GALNT13: variants seen among roughly 807,000 people sequenced by gnomAD.
GALNT13 encodes polypeptide N-acetylgalactosaminyltransferase 13.
Under a neutral mutation model 64.2 loss-of-function variants are expected in GALNT13, and 28 were observed. That is an observed-to-expected ratio of 0.44 (90% confidence interval 0.32 to 0.60). GALNT13 has a LOEUF of 0.60. GALNT13 is among the 20% of genes least tolerant of loss of function. The pLI, the probability that GALNT13 is intolerant of heterozygous loss-of-function variation, is 0.05. For missense variants in GALNT13, 577 were observed against 669.8 expected (o/e 0.86, Z 1.53); for synonymous variants, 214 against 224.6 (o/e 0.95, Z 0.42).
intron 9 of GALNT13, among the ~76,000 whole-genome samples, chr2:154,340,331 A>G (rs924354845): frequency 1.3e-5 from 2 of 152,052 alleles, no homozygotes; most frequent in Admixed American, 1.3e-4. Flanking sequence ...TCAAATGATC[A>G]TCCCACTTCA....
chr2:153,842,034 G>A, the GALNT13 span, among the ~76,000 whole-genome samples: 1 of 152,018 alleles, frequency 6.6e-6, no homozygotes, highest in Non-Finnish European at 1.5e-5. Flanking sequence ...GGGGAGCAGG[G>A]TGGAGGGTTG....
At chr2:153,410,743 A>C in the GALNT13 span, among the ~76,000 whole-genome samples, 19 of 152,268 alleles carry the variant, frequency 1.2e-4, no homozygotes, top group African/African-American at 4.3e-4. Flanking sequence ...AAAAGAGTGG[A>C]GCAGGGAAAT....
chr2:153,346,773 C>G, the GALNT13 span, among the ~76,000 whole-genome samples: 1 of 152,154 alleles, frequency 6.6e-6, no homozygotes, highest in Non-Finnish European at 1.5e-5. Context: ...CAGTCCTCTA[C>G]AGTGTACCAG....
At chr2:153,341,364 G>C in the GALNT13 span, among the ~76,000 whole-genome samples, 4 of 152,076 alleles carry the variant, frequency 2.6e-5, no homozygotes, top group Non-Finnish European at 5.9e-5. Flanking sequence ...ACACTTCAGT[G>C]GCTAATATAT....
the GALNT13 span, among the ~76,000 whole-genome samples, chr2:153,613,901 T>A: frequency 6.6e-6 from 1 of 152,098 alleles, no homozygotes; most frequent in South Asian, 2.1e-4. Context: ...TCAGGAGATA[T>A]ACCTAATGTA....
intron 9 of GALNT13, among the ~76,000 whole-genome samples, chr2:154,351,546 G>T (rs997255399): frequency 2.6e-5 from 4 of 151,966 alleles, no homozygotes; most frequent in Admixed American, 6.5e-5. Flanking sequence ...AGCCGGGCAT[G>T]GTGGCGGGCA....
Position 154,224,372 on chromosome 2 carries a change from G to A in GALNT13, c.312-17658G>A, listed in dbSNP as rs1027662476. On this transcript the variant is annotated intron_variant, in intron 4 of 12. Coordinates refer to ENST00000392825, the MANE Select transcript of GALNT13 (RefSeq NM_052917.4). ...TCAAACTCTAGTTAATAAAGCACAC[G>A]TCAAAATTTAGGGAGGAGTGTGCCT... Among the ~76,000 whole-genome samples, 6 of 151,806 alleles carry A rather than the reference G, an allele frequency of 4.0e-5. No homozygotes were observed. The East Asian group carries it at 5.8e-4, about 15-fold the overall frequency.
chr2:154,035,033 C>A (rs1698574397), intron 3 of GALNT13, among the ~76,000 whole-genome samples: 1 of 152,150 alleles, frequency 6.6e-6, no homozygotes, highest in East Asian at 1.9e-4. Context: ...AATAGAACTA[C>A]CATTTGATCA....
At chr2:153,205,177 GTTT>G in the GALNT13 span, among the ~76,000 whole-genome samples, 2 of 135,912 alleles carry the variant, frequency 1.5e-5, no homozygotes, top group Non-Finnish European at 1.6e-5. Context: ...AAACTTTAGT[GTTT>G]TTTTTTTTTT....
the GALNT13 span, among the ~76,000 whole-genome samples, chr2:153,820,998 A>G: frequency 1.5e-5 from 2 of 136,120 alleles, no homozygotes; most frequent in African/African-American, 5.3e-5. Context: ...CCATAGGATC[A>G]AAGTAAAGAG....
At chr2:153,732,867 A>C in the GALNT13 span, among the ~76,000 whole-genome samples, 1 of 152,060 alleles carries the variant, frequency 6.6e-6, no homozygotes, top group Non-Finnish European at 1.5e-5. Context: ...AATATAAGGA[A>C]ATATTTGTTA....
chr2:154,058,975 G>A (rs1188315448), intron 3 of GALNT13, among the ~76,000 whole-genome samples: 1 of 152,198 alleles, frequency 6.6e-6, no homozygotes, highest in Non-Finnish European at 1.5e-5. Flanking sequence ...CCAGGCAAGA[G>A]AAGATGGTGG....
At chr2:154,143,697 C>T (rs1048421695) in intron 4 of GALNT13, among the ~76,000 whole-genome samples, 8 of 151,494 alleles carry the variant, frequency 5.3e-5, no homozygotes, top group Admixed American at 1.3e-4. Context: ...CCCGTCTCTA[C>T]TACAAATACA....
the GALNT13 span, among the ~76,000 whole-genome samples, chr2:153,626,454 G>C: frequency 0.016 from 2,399 of 152,094 alleles, 42 homozygotes; most frequent in African/African-American, 0.045. Flanking sequence ...TTTCTGTAAG[G>C]ATTTACTGTA....
the GALNT13 span, among the ~76,000 whole-genome samples, chr2:153,283,708 A>C: frequency 6.6e-6 from 1 of 152,146 alleles, no homozygotes; most frequent in Admixed American, 6.5e-5. Context: ...CATGGATCAG[A>C]GAGTGTCTTA....
chr2:153,704,225 T>C, the GALNT13 span, among the ~76,000 whole-genome samples: 4 of 152,268 alleles, frequency 2.6e-5, no homozygotes, highest in South Asian at 6.2e-4. Context: ...TTTTGACTCA[T>C]AGAGGACAAC....
chr2:154,213,196 A>G (rs1021240426), intron 4 of GALNT13, among the ~76,000 whole-genome samples: 6 of 151,922 alleles, frequency 3.9e-5, no homozygotes, highest in Admixed American at 1.3e-4. Flanking sequence ...TCCACCCCCA[A>G]CCTCAGCCTC....
chr2:154,124,491 G>T (rs1283225622), intron 3 of GALNT13, among the ~76,000 whole-genome samples: 1 of 151,904 alleles, frequency 6.6e-6, no homozygotes, highest in Non-Finnish European at 1.5e-5. Flanking sequence ...AATAATTATA[G>T]TTATTAAAAA....
chr2:153,801,410 C>T, the GALNT13 span, among the ~76,000 whole-genome samples: 1 of 151,500 alleles, frequency 6.6e-6, no homozygotes, highest in Non-Finnish European at 1.5e-5. Flanking sequence ...TTCACTCGAA[C>T]ACTAAGAGGC....
Sources: gnomAD v4.1 joint callset for allele counts (sites outside exome capture counted in the v4.1 genomes callset) on GRCh38, gnomAD v4.1.1 for gene constraint, MANE v1.5 for transcripts, NCBI Gene and HGNC (gene_info 2026-07-23, HGNC 2026-07-21) for gene names.